ENTREP1: variants seen among roughly 807,000 people sequenced by gnomAD.
ENTREP1 encodes the protein endosomal transmembrane epsin interactor 1.
At chr9:69,375,996 C>A in the ENTREP1 span, 3 of 869,812 alleles carry the variant, frequency 3.4e-6, no homozygotes, top group Non-Finnish European at 3.4e-6. Flanking sequence ...ATGTGAGTGA[C>A]CCCAGAGACA....
At chr9:69,341,382 T>TA in the ENTREP1 span, among the ~76,000 whole-genome samples, 2 of 152,134 alleles carry the variant, frequency 1.3e-5, no homozygotes, top group African/African-American at 4.8e-5. Flanking sequence ...ATTGGCTATT[T>TA]AAAAAATGGT....
At chr9:69,391,775 A>T in the ENTREP1 span, 1 of 1,611,304 alleles carries the variant, frequency 6.2e-7, no homozygotes, top group East Asian at 2.2e-5. Flanking sequence ...ACACAGCCTC[A>T]TTGGGGTCAT....
At chr9:69,372,791 C>G in the ENTREP1 span, among the ~76,000 whole-genome samples, 1 of 151,816 alleles carries the variant, frequency 6.6e-6, no homozygotes, top group Non-Finnish European at 1.5e-5. Context: ...ATATTTCCAT[C>G]AACAGTGCAC....
the ENTREP1 span, among the ~76,000 whole-genome samples, chr9:69,335,050 C>T: frequency 2.0e-5 from 3 of 152,180 alleles, no homozygotes; most frequent in East Asian, 3.9e-4. Context: ...AGTGAGCCAC[C>T]GCGCCCAGCC....
chr9:69,329,397 G>A, the ENTREP1 span: 4 of 982,086 alleles, frequency 4.1e-6, no homozygotes, highest in Non-Finnish European at 4.8e-6. Context: ...TTCCTTAAGA[G>A]AGCCCTGAGC....
chr9:69,367,377 T>C, the ENTREP1 span, among the ~76,000 whole-genome samples: 2 of 151,738 alleles, frequency 1.3e-5, no homozygotes, highest in South Asian at 2.1e-4. Context: ...GGATTTTTTT[T>C]CTATTTCTGT....
the ENTREP1 span, among the ~76,000 whole-genome samples, chr9:69,336,647 A>G: frequency 6.6e-6 from 1 of 152,230 alleles, no homozygotes; most frequent in Non-Finnish European, 1.5e-5. Context: ...CTTCCAGCCA[A>G]TCTTTACAGC....
chr9:69,326,486 C>A, the ENTREP1 span, among the ~76,000 whole-genome samples: 3 of 152,172 alleles, frequency 2.0e-5, no homozygotes, highest in Non-Finnish European at 4.4e-5. Context: ...CCTCCCTCCT[C>A]CAACCGGGAA....
chr9:69,347,275 T>C, the ENTREP1 span, among the ~76,000 whole-genome samples: 1 of 152,186 alleles, frequency 6.6e-6, no homozygotes, highest in African/African-American at 2.4e-5. Flanking sequence ...CAGCAGTAGG[T>C]ATCTCTGAGG....
At chr9:69,387,894 T>A in the ENTREP1 span, 1 of 1,401,506 alleles carries the variant, frequency 7.1e-7, no homozygotes, top group Non-Finnish European at 9.5e-7. Context: ...TGGATTCTCC[T>A]CTCCACCATC....
the ENTREP1 span, among the ~76,000 whole-genome samples, chr9:69,376,063 G>A: frequency 6.6e-6 from 1 of 152,290 alleles, no homozygotes; most frequent in East Asian, 1.9e-4. Context: ...TGTATGGACA[G>A]CTTTCTTTGT....
At chr9:69,332,935 C>A in the ENTREP1 span, among the ~76,000 whole-genome samples, 1 of 152,026 alleles carries the variant, frequency 6.6e-6, no homozygotes, top group Non-Finnish European at 1.5e-5. Flanking sequence ...TGATTGAATA[C>A]GTTAAGTACA....
chr9:69,369,038 T>C, the ENTREP1 span, among the ~76,000 whole-genome samples: 1 of 152,076 alleles, frequency 6.6e-6, no homozygotes, highest in African/African-American at 2.4e-5. Context: ...TGTCCATGTG[T>C]TCTCATTGTT....
the ENTREP1 span, chr9:69,391,880 TCCACCTC>T: frequency 1.4e-6 from 2 of 1,398,442 alleles, no homozygotes; most frequent in Admixed American, 2.2e-5. Context: ...GGAGCTGTGG[TCCACCTC>T]AAAAAAAAGG....
At chr9:69,367,723 A>G in the ENTREP1 span, among the ~76,000 whole-genome samples, 1 of 71,648 alleles carries the variant, frequency 1.4e-5, no homozygotes. Flanking sequence ...ATACACATAT[A>G]TATAAAAATA....
chr9:69,350,178 A>G, the ENTREP1 span, among the ~76,000 whole-genome samples: 4 of 152,132 alleles, frequency 2.6e-5, no homozygotes, highest in Non-Finnish European at 5.9e-5. Flanking sequence ...GCTTACTCCT[A>G]TAATTTTTTT....
At chr9:69,328,098 A>G in the ENTREP1 span, among the ~76,000 whole-genome samples, 1 of 152,142 alleles carries the variant, frequency 6.6e-6, no homozygotes, top group Non-Finnish European at 1.5e-5. Context: ...ATGAACCCAC[A>G]TATACCTTTC....
At chr9:69,389,885 T>C in the ENTREP1 span, among the ~76,000 whole-genome samples, 2 of 151,034 alleles carry the variant, frequency 1.3e-5, no homozygotes, top group Admixed American at 1.3e-4. Context: ...GTGCTGAGAT[T>C]GTTGTGATAG....
At chr9:69,342,556 A>C in the ENTREP1 span, among the ~76,000 whole-genome samples, 120,345 of 152,210 alleles carry the variant, frequency 0.79, 47,690 homozygotes, top group South Asian at 0.87. Context: ...CCAGAGGCAG[A>C]AATGACCAAG....
Sources: gnomAD v4.1 joint callset for allele counts (sites outside exome capture counted in the v4.1 genomes callset) on GRCh38, gnomAD v4.1.1 for gene constraint, MANE v1.5 for transcripts, NCBI Gene and HGNC (gene_info 2026-07-23, HGNC 2026-07-21) for gene names.